The following PLAC1 variants were observed in gnomAD, a reference collection of about 807,000 sequenced individuals.
The protein encoded by PLAC1 is placenta-specific protein 1.
For missense variants in PLAC1, 136 were observed against 163.2 expected (o/e 0.83, Z 0.91); for synonymous variants, 68 against 62.1 (o/e 1.09, Z -0.44).
intron 2 of PLAC1, among the ~76,000 whole-genome samples, chrX:134,588,117 T>C (rs1231646495): frequency 9.0e-6 from 1 of 110,833 alleles, no homozygotes; most frequent in Non-Finnish European, 1.9e-5. Context: ...AGAGGATGCA[T>C]ATAGGAAAGT....
intron 2 of PLAC1, among the ~76,000 whole-genome samples, chrX:134,676,544 GA>G (rs1486587619): frequency 8.9e-6 from 1 of 112,066 alleles, no homozygotes; most frequent in African/African-American, 3.2e-5. Flanking sequence ...TGCATTCCCT[GA>G]CAACCAGTGC....
At chrX:134,633,903 G>C (rs1401248163) in intron 1 of PLAC1, among the ~76,000 whole-genome samples, 1 of 111,765 alleles carries the variant, frequency 8.9e-6, no homozygotes, top group Non-Finnish European at 1.9e-5. Context: ...ATTTGGGCAA[G>C]GCAGGGGAAA....
chrX:134,657,037 C>T (rs369744988), intron 1 of PLAC1, among the ~76,000 whole-genome samples: 14 of 112,309 alleles, frequency 1.2e-4, no homozygotes, highest in African/African-American at 4.2e-4. Context: ...CCAGCAGCTC[C>T]GAGCTGTCAC....
At chrX:134,646,202 C>G (rs1020347144) in intron 1 of PLAC1, among the ~76,000 whole-genome samples, 3 of 111,848 alleles carry the variant, frequency 2.7e-5, no homozygotes, top group Non-Finnish European at 5.6e-5. Flanking sequence ...ATTTCAAGGC[C>G]AGGTGAAGGG....
At chrX:134,646,510 G>A (rs1371774710) in intron 1 of PLAC1, among the ~76,000 whole-genome samples, 1 of 111,918 alleles carries the variant, frequency 8.9e-6, no homozygotes, top group Non-Finnish European at 1.9e-5. Context: ...CAAGTGATAC[G>A]GGAAAAGCAC....
chrX:134,573,970 G>A (rs2077923626), intron 2 of PLAC1, among the ~76,000 whole-genome samples: 1 of 111,513 alleles, frequency 9.0e-6, no homozygotes, highest in Non-Finnish European at 1.9e-5. Flanking sequence ...TTGTTAGCGA[G>A]CCTACAATTT....
At chrX:134,678,331 TC>T (rs1328517157) in intron 2 of PLAC1, among the ~76,000 whole-genome samples, 1 of 111,606 alleles carries the variant, frequency 9.0e-6, no homozygotes, top group Non-Finnish European at 1.9e-5. Flanking sequence ...CACTCTGGCC[TC>T]CTTGCTTTTT....
At chrX:134,717,816 C>T (rs2078647585) in intron 2 of PLAC1, among the ~76,000 whole-genome samples, 1 of 112,535 alleles carries the variant, frequency 8.9e-6, no homozygotes, top group Admixed American at 9.4e-5. Context: ...GCTCTGTAAG[C>T]AGAATAGCTG....
intron 2 of PLAC1, among the ~76,000 whole-genome samples, chrX:134,699,898 C>T: frequency 1.8e-5 from 2 of 112,269 alleles, no homozygotes; most frequent in South Asian, 7.5e-4. Flanking sequence ...TCTACCCCAT[C>T]TCATGTACAC....
chrX:134,687,140 T>C (rs186611602), intron 2 of PLAC1, among the ~76,000 whole-genome samples: 128 of 111,896 alleles, frequency 1.1e-3, no homozygotes, highest in Admixed American at 2.7e-3. Flanking sequence ...TTCAAAATCA[T>C]TGGAAATGCC....
intron 1 of PLAC1, among the ~76,000 whole-genome samples, chrX:134,609,983 ATTT>A (rs35018435): frequency 8.6e-5 from 9 of 104,584 alleles, no homozygotes; most frequent in East Asian, 6.0e-4. Flanking sequence ...AGTGGAAGAA[ATTT>A]TTTTTTTTTT....
chrX:134,613,840 C>G (rs1347102378), intron 1 of PLAC1, among the ~76,000 whole-genome samples: 1 of 111,105 alleles, frequency 9.0e-6, no homozygotes, highest in Non-Finnish European at 1.9e-5. Flanking sequence ...ACTCCACTGC[C>G]TTTTCTTGCC....
chrX:134,684,411 T>TAAAA (rs10606569), intron 2 of PLAC1, among the ~76,000 whole-genome samples: 211 of 80,959 alleles, frequency 2.6e-3, no homozygotes, highest in African/African-American at 9.2e-3. Context: ...GCTCTGCCAC[T>TAAAA]AAAAAAAAAA....
At chrX:134,572,987 T>C (rs1235116398) in intron 2 of PLAC1, among the ~76,000 whole-genome samples, 1 of 111,770 alleles carries the variant, frequency 8.9e-6, no homozygotes, top group Non-Finnish European at 1.9e-5. Context: ...TAAATAAGAA[T>C]CCAAGCTCCT....
intron 1 of PLAC1, among the ~76,000 whole-genome samples, chrX:134,647,466 G>A (rs1255326816): frequency 9.2e-6 from 1 of 108,136 alleles, no homozygotes; most frequent in Non-Finnish European, 1.9e-5. Flanking sequence ...GGGGTCCCGA[G>A]TGTCCCCCAG....
chrX:134,587,116 G>A (rs981558748), intron 2 of PLAC1, among the ~76,000 whole-genome samples: 1 of 110,559 alleles, frequency 9.0e-6, no homozygotes, highest in Non-Finnish European at 1.9e-5. Flanking sequence ...ATTCCCATGT[G>A]AGAGAGGAGG....
intron 2 of PLAC1, among the ~76,000 whole-genome samples, chrX:134,567,731 C>G (rs1296495307): frequency 1.5e-4 from 14 of 96,344 alleles, no homozygotes; most frequent in African/African-American, 5.5e-4. Context: ...GCACTCCAGC[C>G]TGGGCAACAG....
intron 2 of PLAC1, among the ~76,000 whole-genome samples, chrX:134,729,007 GGAA>G (rs1410500977): frequency 9.0e-6 from 1 of 111,452 alleles, no homozygotes; most frequent in East Asian, 2.8e-4. Flanking sequence ...TACTATGTAA[GGAA>G]GAGCCGTGGG....
At chrX:134,683,780 G>A (rs1035889650) in intron 2 of PLAC1, among the ~76,000 whole-genome samples, 1 of 112,108 alleles carries the variant, frequency 8.9e-6, no homozygotes, top group Non-Finnish European at 1.9e-5. Flanking sequence ...TGCTTCCGGA[G>A]CTGCCACAAA....
Sources: gnomAD v4.1 joint callset for allele counts (sites outside exome capture counted in the v4.1 genomes callset) on GRCh38, gnomAD v4.1.1 for gene constraint, MANE v1.5 for transcripts, NCBI Gene and HGNC (gene_info 2026-07-23, HGNC 2026-07-21) for gene names.